The following PALM2AKAP2 variants were observed in gnomAD, a reference collection of about 807,000 sequenced individuals.
The protein encoded by PALM2AKAP2 is PALM2 and AKAP2 fusion.
PALM2AKAP2 carries 37 observed loss-of-function variants against 71.5 expected under a neutral mutation model. The observed-to-expected ratio is 0.52, with a 90% confidence interval of 0.40 to 0.68. PALM2AKAP2 has a LOEUF of 0.68. PALM2AKAP2 is among the 30% of genes least tolerant of loss of function. The pLI is 0.00. For missense variants in PALM2AKAP2, 1,224 were observed against 1,191.8 expected (o/e 1.03, Z -0.40); for synonymous variants, 468 against 478.8 (o/e 0.98, Z 0.29).
upstream of PALM2AKAP2, among the ~76,000 whole-genome samples, chr9:110,047,719 C>T (rs1387707569): frequency 6.6e-6 from 1 of 152,144 alleles, no homozygotes; most frequent in Non-Finnish European, 1.5e-5. Context: ...TGAATGCGGC[C>T]ACCTACAGCA....
At chr9:109,747,983 A>G (rs764502887) in intron 1 of PALM2AKAP2, among the ~76,000 whole-genome samples, 17 of 152,204 alleles carry the variant, frequency 1.1e-4, no homozygotes, top group Non-Finnish European at 1.8e-4. Flanking sequence ...CTATATGTCC[A>G]TAATTTTAAA....
At chr9:110,082,030 T>G (rs1834460877) in intron 1 of PALM2AKAP2, among the ~76,000 whole-genome samples, 1 of 152,150 alleles carries the variant, frequency 6.6e-6, no homozygotes, top group South Asian at 2.1e-4. Flanking sequence ...ACCTATCTGG[T>G]TCTTTGGTTC....
At chr9:110,164,624 A>G (rs968470423) in intron 3 of PALM2AKAP2, among the ~76,000 whole-genome samples, 1 of 147,388 alleles carries the variant, frequency 6.8e-6, no homozygotes, top group Non-Finnish European at 1.5e-5. Flanking sequence ...TCTGCCTCCC[A>G]TGCTCAGGCG....
At chr9:109,895,041 C>A (rs1187106107) in intron 3 of PALM2AKAP2, among the ~76,000 whole-genome samples, 1 of 152,214 alleles carries the variant, frequency 6.6e-6, no homozygotes, top group Non-Finnish European at 1.5e-5. Context: ...AGGTGAAGAA[C>A]CTGAGGCCGG....
chr9:110,077,104 A>T (rs1834340299), intron 1 of PALM2AKAP2, among the ~76,000 whole-genome samples: 1 of 152,210 alleles, frequency 6.6e-6, no homozygotes, highest in African/African-American at 2.4e-5. Flanking sequence ...CATAGCTCAT[A>T]GCATAAGCTC....
At chr9:110,036,091 G>A (rs1360442453) in intron 7 of PALM2AKAP2, among the ~76,000 whole-genome samples, 1 of 151,716 alleles carries the variant, frequency 6.6e-6, no homozygotes, top group East Asian at 1.9e-4. Flanking sequence ...CCACCACCAC[G>A]CCCGGCTAGT....
At chr9:109,993,201 A>T (rs1487710635) in intron 6 of PALM2AKAP2, among the ~76,000 whole-genome samples, 2 of 150,370 alleles carry the variant, frequency 1.3e-5, no homozygotes, top group African/African-American at 4.9e-5. Flanking sequence ...AAAAAAAAAG[A>T]TAATATCTTC....
chr9:110,063,178 C>T (rs541291808), intron 1 of PALM2AKAP2, among the ~76,000 whole-genome samples: 45 of 151,306 alleles, frequency 3.0e-4, no homozygotes, highest in Non-Finnish European at 5.8e-4. Context: ...TCCTCAAAAT[C>T]ATCTCTGGAG....
At chr9:109,793,023 T>G (rs1827159040) in intron 1 of PALM2AKAP2, among the ~76,000 whole-genome samples, 1 of 152,208 alleles carries the variant, frequency 6.6e-6, no homozygotes, top group South Asian at 2.1e-4. Context: ...TTGAAAATAC[T>G]CTTTGATTTT....
intron 3 of PALM2AKAP2, among the ~76,000 whole-genome samples, chr9:110,159,613 A>G (rs763123649): frequency 6.7e-6 from 1 of 148,252 alleles, no homozygotes; most frequent in Admixed American, 6.7e-5. Context: ...GTGATATGTT[A>G]GACACAATGG....
At chr9:110,142,677 T>C (rs2119139890) in intron 2 of PALM2AKAP2, among the ~76,000 whole-genome samples, 1 of 152,086 alleles carries the variant, frequency 6.6e-6, no homozygotes, top group East Asian at 1.9e-4. Flanking sequence ...GGGCTCAGGG[T>C]GTAGGGGAGA....
At chr9:109,979,168 T>C (rs1360758683) in intron 6 of PALM2AKAP2, among the ~76,000 whole-genome samples, 1 of 152,106 alleles carries the variant, frequency 6.6e-6, no homozygotes, top group African/African-American at 2.4e-5. Flanking sequence ...AATTTTTGTA[T>C]TTTTAGTAGA....
intron 6 of PALM2AKAP2, among the ~76,000 whole-genome samples, chr9:109,991,461 A>G (rs1196608666): frequency 6.6e-6 from 1 of 151,534 alleles, no homozygotes; most frequent in East Asian, 1.9e-4. Flanking sequence ...CTGGTCTAGA[A>G]CTCCTGGACT....
intron 1 of PALM2AKAP2, among the ~76,000 whole-genome samples, chr9:110,091,169 C>A (rs1382684000): frequency 6.6e-6 from 1 of 152,050 alleles, no homozygotes; most frequent in Non-Finnish European, 1.5e-5. Flanking sequence ...GAGGTAACTG[C>A]AATCCTGTCT....
intron 7 of PALM2AKAP2, among the ~76,000 whole-genome samples, chr9:110,037,333 A>C (rs1238386958): frequency 6.6e-6 from 1 of 152,114 alleles, no homozygotes; most frequent in Non-Finnish European, 1.5e-5. Context: ...CAGCCTCCCG[A>C]GTAGCTGGGA....
intron 3 of PALM2AKAP2, among the ~76,000 whole-genome samples, chr9:109,881,998 C>T (rs1471908966): frequency 6.6e-6 from 1 of 150,692 alleles, no homozygotes; most frequent in Non-Finnish European, 1.5e-5. Flanking sequence ...ATTCTCCTGC[C>T]TCAGCCTCCC....
intron 1 of PALM2AKAP2, among the ~76,000 whole-genome samples, chr9:109,855,520 T>C (rs541728326): frequency 1.3e-5 from 2 of 152,370 alleles, no homozygotes; most frequent in African/African-American, 4.8e-5. Flanking sequence ...GTCTCTGCCC[T>C]TGGGGAGGGT....
chr9:110,163,465 C>T (rs1836654661), intron 3 of PALM2AKAP2, among the ~76,000 whole-genome samples: 1 of 152,214 alleles, frequency 6.6e-6, no homozygotes, highest in Non-Finnish European at 1.5e-5. Context: ...TTTAAGCCCT[C>T]TCGTACTTCT....
At chr9:110,023,471 C>T (rs376935817) in intron 7 of PALM2AKAP2, among the ~76,000 whole-genome samples, 33 of 151,848 alleles carry the variant, frequency 2.2e-4, no homozygotes, top group African/African-American at 7.7e-4. Context: ...TGTGCCACCA[C>T]GCCCGGATAA....
Sources: allele counts gnomAD v4.1 joint callset (sites outside exome capture counted in the v4.1 genomes callset), GRCh38; gene constraint gnomAD v4.1.1; transcripts MANE v1.5; gene names NCBI Gene and HGNC (gene_info 2026-07-23, HGNC 2026-07-21).